The following FBXL14 variants were observed in gnomAD, a reference collection of about 807,000 sequenced individuals.
The protein encoded by FBXL14 is F-box and leucine rich repeat protein 14, also known as F-box/LRR-repeat protein 14.
A neutral mutation model predicts 24.5 loss-of-function variants in FBXL14; 11 were observed. That is an observed-to-expected ratio of 0.45 (90% confidence interval 0.28 to 0.74). The LOEUF is 0.74. FBXL14 is among the 30% of genes least tolerant of loss of function. FBXL14 has a pLI of 0.12. For missense variants in FBXL14, 384 were observed against 545.6 expected (o/e 0.70, Z 2.95); for synonymous variants, 294 against 240.4 (o/e 1.22, Z -2.06).
intron 1 of FBXL14, among the ~76,000 whole-genome samples, chr12:1,573,185 A>T (rs2094448419): frequency 6.6e-6 from 1 of 152,122 alleles, no homozygotes; most frequent in African/African-American, 2.4e-5. Flanking sequence ...AAGAAAACTG[A>T]CTCAGAGCCT....
At position 1,581,713 on chromosome 12, in the gene FBXL14, G is replaced by A. The variant is rs915492288; in HGVS notation, c.1194+11160C>T. On this transcript the variant is annotated intron_variant, in intron 1 of 1. Transcript: ENST00000339235. ...GGCTTGCAGTGCTGCCACCTCAGAG[G>A]TCTCAGTCACACCAACATCCTCACG... Among the ~76,000 whole-genome samples, 12 of 152,296 alleles carry A rather than the reference G, an allele frequency of 7.9e-5. No individual in the cohort carries two copies. The East Asian group carries it at 1.9e-3, about 25-fold the overall frequency.
In FBXL14 at chr12:1,566,818, G is replaced by T; in HGVS notation, c.1195-8C>A. ...AAAATCCCCTCGTGCCTCCTGCAGT[G>T]GGAAGAAGAAAAAGGACCATTTTGA... On this transcript the variant is annotated splice_region_variant and splice_polypyrimidine_tract_variant and intron_variant, in intron 1 of 1. Coordinates refer to ENST00000339235, the MANE Select transcript of FBXL14 (RefSeq NM_152441.3). The T allele has an allele frequency of 1.3e-6, 1 of 780,750 alleles. No individual in the cohort carries two copies. The highest frequency in any genetic ancestry group is 2.4e-6 in the Non-Finnish European group (1 of 418,028). 48.4% of individuals were successfully genotyped at this position (780,750 alleles called of 1,614,324 possible).
At chr12:1,588,173 G>T (rs946073933) in intron 1 of FBXL14, among the ~76,000 whole-genome samples, 1 of 152,188 alleles carries the variant, frequency 6.6e-6, no homozygotes, top group Admixed American at 6.5e-5. Flanking sequence ...TAATCAAGAG[G>T]TTCTTATTCT....
Position 1,591,103 on chromosome 12 carries a change from C to T in FBXL14, c.1194+1770G>A, listed in dbSNP as rs140885399. On this transcript the variant is annotated intron_variant, in intron 1 of 1. Coordinates refer to ENST00000339235, the MANE Select transcript of FBXL14 (RefSeq NM_152441.3). The stretch of plus-strand genomic sequence containing the variant: ...TTTGTTCAATTTCTTTAAATTTCCA[C>T]GTTGTTGAAAGTTTAAAGCCAAACA... 3.5e-3 allele frequency among the ~76,000 whole-genome samples: 532 copies of T among 152,340 alleles called. 6 individuals are homozygous for T. Among genetic ancestry groups the T allele is most frequent in the African/African-American group, 0.012 (510 of 41,584 alleles).
At chr12:1,581,548 G>C (rs1260399805) in intron 1 of FBXL14, among the ~76,000 whole-genome samples, 1 of 152,210 alleles carries the variant, frequency 6.6e-6, no homozygotes, top group South Asian at 2.1e-4. Flanking sequence ...TCCCGGAAAT[G>C]CTTTTTCCTA....
chr12:1,594,444 C>T lies in FBXL14; in HGVS notation c.-378G>A, dbSNP rs2094497493. 6.9e-6 allele frequency among the ~76,000 whole-genome samples: 1 copy of T among 145,484 alleles called. No individual in the cohort carries two copies. Among genetic ancestry groups the T allele is most frequent in the South Asian group, 2.1e-4 (1 of 4,788 alleles). ...TCCGCCCGCGCCGCCGCGCCCACGC[C>T]CCCTGCCGCATCCTCCGCCTCCTGC... On this transcript the variant is annotated 5_prime_UTR_variant, in exon 1 of 2. Transcript: ENST00000339235.
intron 1 of FBXL14, among the ~76,000 whole-genome samples, chr12:1,575,905 A>G (rs1346118609): frequency 2.0e-5 from 3 of 152,146 alleles, no homozygotes; most frequent in Non-Finnish European, 4.4e-5. Flanking sequence ...TTCAGTAGAA[A>G]GGTCCTGTCC....
At chr12:1,592,531 C>T (rs1048984156) in intron 1 of FBXL14, among the ~76,000 whole-genome samples, 16 of 152,144 alleles carry the variant, frequency 1.1e-4, no homozygotes, top group African/African-American at 3.9e-4. Context: ...CACTCCCCAC[C>T]CCCATTTCCA....
chr12:1,574,429 G>A (rs1189413227), intron 1 of FBXL14, among the ~76,000 whole-genome samples: 6 of 148,886 alleles, frequency 4.0e-5, no homozygotes, highest in East Asian at 2.0e-4. Flanking sequence ...TGTGGGTGGA[G>A]CCTGGGGTGA....
intron 1 of FBXL14, among the ~76,000 whole-genome samples, chr12:1,574,255 G>A (rs73605874): frequency 6.8e-6 from 1 of 146,494 alleles, no homozygotes. Flanking sequence ...GATGAAACCT[G>A]CCCCCTGAAA....
chr12:1,578,221 A>T (rs1470782803), intron 1 of FBXL14, among the ~76,000 whole-genome samples: 4 of 152,228 alleles, frequency 2.6e-5, no homozygotes, highest in Non-Finnish European at 5.9e-5. Flanking sequence ...AAAGATGATT[A>T]CATTCCACAG....
chr12:1,593,163 G>C lies in FBXL14; in HGVS notation c.904C>G (p.Gln302Glu). Residue 302 changes from glutamine (Q) to glutamate (E), a missense_variant, in exon 1 of 2, where the codon CAG becomes GAG. By Grantham distance (29) the Gln-to-Glu change is conservative. Coordinates refer to ENST00000339235, the MANE Select transcript of FBXL14 (RefSeq NM_152441.3). The surrounding 1 kb of genome is among the most constrained non-coding windows in gnomAD (Gnocchi z 7.4). ...AGAGACTTGAGGCCATCCAGCCCCT[G>C]GGCTATGTAAGCCAGACTCTGGTCT... is the stretch of plus-strand genomic sequence containing the variant. ...VGDQSLAYIA[Q>E]GLDGLKSLSL... The C allele has an allele frequency of 6.2e-7, 1 of 1,613,646 alleles. No individual in the cohort carries two copies. Among genetic ancestry groups the C allele is most frequent in the Non-Finnish European group, 8.5e-7 (1 of 1,180,032 alleles).
chr12:1,567,943 C>G lies in FBXL14; in HGVS notation c.1195-1133G>C, dbSNP rs527789438. Among the ~76,000 whole-genome samples the G allele has an allele frequency of 6.6e-6, 1 of 152,346 alleles. No individual in the cohort carries two copies. Among genetic ancestry groups the G allele is most frequent in the African/African-American group, 2.4e-5 (1 of 41,578 alleles). ...AGAATATCCAAGAACTGTGGGACAT[C>G]TACAAAAGGTGTAGCATGTGTAATG... On this transcript the variant is annotated intron_variant, in intron 1 of 1. Coordinates refer to ENST00000339235, the MANE Select transcript of FBXL14 (RefSeq NM_152441.3). The surrounding 1 kb of genome is among the most constrained non-coding windows in gnomAD (Gnocchi z 4.8).
At chr12:1,583,415 G>T (rs2094470647) in intron 1 of FBXL14, among the ~76,000 whole-genome samples, 1 of 151,834 alleles carries the variant, frequency 6.6e-6, no homozygotes, top group Non-Finnish European at 1.5e-5. Flanking sequence ...GTTAATGTTT[G>T]ATTCTCTTAG....
At position 1,594,156 on chromosome 12, in the gene FBXL14, A is replaced by AGCCGCC. The variant is rs544992054; in HGVS notation, c.-96_-91dup. The AGCCGCC allele has an allele frequency of 0.017, 9,194 of 555,468 alleles. 136 individuals carry two copies. Among genetic ancestry groups the AGCCGCC allele is most frequent in the African/African-American group, 0.025 (1,271 of 49,938 alleles). The allele number at this position is 555,468 out of a possible 1,614,324, so 34.4% of individuals were successfully genotyped here. ...GCAGGCGACGAGAGCGCTTCTCCCC[A>AGCCGCC]GCCGCCGCCGCCGCCGCCGCCGCCG... On this transcript the variant is annotated 5_prime_UTR_variant, in exon 1 of 2. Transcript: ENST00000339235.
Position 1,579,029 on chromosome 12 carries a change from T to C in FBXL14, c.1195-12219A>G, listed in dbSNP as rs2094461229. Among the ~76,000 whole-genome samples the C allele has an allele frequency of 6.6e-6, 1 of 152,030 alleles. No individual in the cohort carries two copies. The highest frequency in any genetic ancestry group is 2.4e-5 in the African/African-American group (1 of 41,410). On this transcript the variant is annotated intron_variant, in intron 1 of 1. Transcript: ENST00000339235. The surrounding 1 kb of genome is among the most constrained non-coding windows in gnomAD (Gnocchi z 4.3). ...AGGAGCAGGTGTGCCTCAGCGAGCCTGTCATTATCTGGGGAGGGGGCTCCA... is the reference window on the plus strand; with the variant it reads ...AGGAGCAGGTGTGCCTCAGCGAGCCCGTCATTATCTGGGGAGGGGGCTCCA...
In FBXL14 at chr12:1,593,182, C is replaced by A. The variant is rs745447186; in HGVS notation, c.885G>T (p.Gln295His). Residue 295 changes from glutamine (Q) to histidine (H), a missense_variant, in exon 1 of 2, where the codon CAG (glutamine) becomes CAT (histidine). By Grantham distance (24) the Gln-to-His change is conservative. Coordinates refer to ENST00000339235, the MANE Select transcript of FBXL14 (RefSeq NM_152441.3). This position sits in a 1 kb window ranked among gnomAD's most constrained non-coding sequence, Gnocchi z 7.4. ...GCCCCTGGGCTATGTAAGCCAGACT[C>A]TGGTCTCCCACCTTGTCACAGAACG... is the stretch of plus-strand genomic sequence containing the variant. Reference protein sequence around the residue: ...DVSFCDKVGDQSLAYIAQGLD... With the variant: ...DVSFCDKVGDHSLAYIAQGLD... 4 of 1,613,548 alleles carry A rather than the reference C, an allele frequency of 2.5e-6. No individual in the cohort carries two copies. The Admixed American group carries it at 6.7e-5, about 27-fold the overall frequency.
At chr12:1,574,131 G>T (rs918060364) in intron 1 of FBXL14, among the ~76,000 whole-genome samples, 3 of 152,188 alleles carry the variant, frequency 2.0e-5, no homozygotes, top group African/African-American at 7.2e-5. Flanking sequence ...ACTGTAATGG[G>T]GTTAGGACTT....
rs1362123724 is a variant in FBXL14, at chr12:1,594,505, G to A, written c.-439C>T. 1.4e-5 allele frequency among the ~76,000 whole-genome samples: 2 copies of A among 147,154 alleles called. No homozygotes were observed. Among genetic ancestry groups the A allele is most frequent in the Non-Finnish European group, 3.0e-5 (2 of 66,066 alleles). On this transcript the variant is annotated 5_prime_UTR_variant, in exon 1 of 2. Transcript: ENST00000339235. ...GCTCCGCGGGCCGGCGGGCGGCGAG[G>A]GGGCCCCGGGGGCCGGGCGCACGGG...
Sources: gnomAD v4.1 joint callset for allele counts (sites outside exome capture counted in the v4.1 genomes callset) on GRCh38, gnomAD v4.1.1 for gene constraint, Gnocchi (gnomAD v3.1) non-coding constraint, MANE v1.5 for transcripts, NCBI Gene and HGNC (gene_info 2026-07-23, HGNC 2026-07-21) for gene names.